The following GPM6A variants were observed in gnomAD, a reference collection of about 807,000 sequenced individuals.
GPM6A encodes neuronal membrane glycoprotein M6-a.
A neutral mutation model predicts 32.1 loss-of-function variants in GPM6A; 7 were observed. The observed-to-expected ratio is 0.22, with a 90% CI of 0.12 to 0.41. The LOEUF (loss-of-function observed/expected upper bound fraction) is 0.41, where lower values mean the gene tolerates loss of function less well. Among genes scored for constraint, GPM6A ranks in the 10% least tolerant of loss-of-function variants. GPM6A has a pLI of 1.00. For missense variants in GPM6A, 235 were observed against 347.2 expected (o/e 0.68, Z 2.57); for synonymous variants, 130 against 123.4 (o/e 1.05, Z -0.35).
chr4:175,702,212 A>G (rs1215433766), intron 1 of GPM6A, among the ~76,000 whole-genome samples: 7 of 152,180 alleles, frequency 4.6e-5, no homozygotes, highest in Non-Finnish European at 1.5e-5. Flanking sequence ...TCATAGTTAT[A>G]CAAGTTTTGG....
intron 6 of GPM6A, among the ~76,000 whole-genome samples, chr4:175,637,710 TA>T (rs1740859429): frequency 3.7e-4 from 1 of 2,724 alleles, no homozygotes; most frequent in Non-Finnish European, 9.8e-4. Context: ...ATATATTATA[TA>T]TATTTATATA....
chr4:175,931,709 C>CACACACACATAT (rs1324269132), intron 1 of GPM6A, among the ~76,000 whole-genome samples: 3 of 129,296 alleles, frequency 2.3e-5, no homozygotes, highest in African/African-American at 8.6e-5. Flanking sequence ...CACACACACA[C>CACACACACATAT]ATATATATAT....
chr4:175,682,992 A>G (rs1743773015), intron 2 of GPM6A, among the ~76,000 whole-genome samples: 1 of 152,086 alleles, frequency 6.6e-6, no homozygotes, highest in Non-Finnish European at 1.5e-5. Flanking sequence ...TGATCTCCAG[A>G]CCCCAGAATA....
chr4:175,714,968 C>G (rs1245057748), intron 1 of GPM6A, among the ~76,000 whole-genome samples: 9 of 140,202 alleles, frequency 6.4e-5, no homozygotes, highest in Non-Finnish European at 1.2e-4. Flanking sequence ...AGACACGTTT[C>G]TGATGTAGAA....
intron 1 of GPM6A, among the ~76,000 whole-genome samples, chr4:175,774,500 C>G (rs1474378833): frequency 6.6e-6 from 1 of 151,970 alleles, no homozygotes; most frequent in East Asian, 1.9e-4. Context: ...AACAATCAAA[C>G]TCACCTCTGT....
chr4:175,670,090 C>T (rs1017569491), intron 3 of GPM6A, among the ~76,000 whole-genome samples: 1 of 152,070 alleles, frequency 6.6e-6, no homozygotes, highest in Non-Finnish European at 1.5e-5. Context: ...GTTGTTTAGG[C>T]CATCCACTTT....
chr4:175,894,593 C>G (rs1362670354), intron 1 of GPM6A, among the ~76,000 whole-genome samples: 1 of 152,042 alleles, frequency 6.6e-6, no homozygotes, highest in African/African-American at 2.4e-5. Flanking sequence ...CATTTTCTAC[C>G]CTTCTACCTT....
At chr4:175,870,059 T>C (rs1736858763) in intron 1 of GPM6A, among the ~76,000 whole-genome samples, 1 of 152,244 alleles carries the variant, frequency 6.6e-6, no homozygotes, top group Non-Finnish European at 1.5e-5. Flanking sequence ...TTATTTACTT[T>C]CTTTTATTCA....
intron 3 of GPM6A, among the ~76,000 whole-genome samples, chr4:175,661,568 C>T (rs755188836): frequency 2.6e-5 from 4 of 152,090 alleles, no homozygotes; most frequent in Non-Finnish European, 5.9e-5. Context: ...TGTTTGAAAG[C>T]ATATGATCCC....
chr4:175,865,170 C>T (rs955680282), intron 1 of GPM6A, among the ~76,000 whole-genome samples: 1 of 152,084 alleles, frequency 6.6e-6, no homozygotes, highest in African/African-American at 2.4e-5. Context: ...ATGTGGATAT[C>T]GTTTTAGCAC....
At chr4:175,936,201 G>C (rs986553785) in intron 1 of GPM6A, among the ~76,000 whole-genome samples, 2 of 149,222 alleles carry the variant, frequency 1.3e-5, no homozygotes, top group African/African-American at 4.9e-5. Context: ...AGCTACTCGG[G>C]AGGCTGAGGC....
chr4:175,980,950 A>G (rs1396731245), intron 1 of GPM6A, among the ~76,000 whole-genome samples: 1 of 152,236 alleles, frequency 6.6e-6, no homozygotes, highest in Non-Finnish European at 1.5e-5. Context: ...TTTAATCAAA[A>G]GTAGCTTACA....
In GPM6A at chr4:175,897,140, G is replaced by A. The variant is rs1013773528; in HGVS notation, c.-22-84891C>T. ...ACATAGAAGACAGGGAGACATCCTCGGGATTAGGAAATGTAGGAAGCTGGT... is the reference window on the plus strand; with the variant it reads ...ACATAGAAGACAGGGAGACATCCTCAGGATTAGGAAATGTAGGAAGCTGGT... On this transcript the variant is annotated intron_variant, in intron 1 of 7. Transcript: ENST00000280187. Among the ~76,000 whole-genome samples, 9 of 152,042 alleles carry A rather than the reference G, an allele frequency of 5.9e-5. No homozygotes were observed. The South Asian group carries it at 1.2e-3, about 21-fold the overall frequency.
intron 1 of GPM6A, among the ~76,000 whole-genome samples, chr4:175,879,548 C>T (rs1450086705): frequency 6.6e-6 from 1 of 152,234 alleles, no homozygotes; most frequent in African/African-American, 2.4e-5. Context: ...CTCATGAGAA[C>T]TCATTCACTA....
chr4:175,982,790 T>C (rs761109730), intron 1 of GPM6A, among the ~76,000 whole-genome samples: 5 of 152,162 alleles, frequency 3.3e-5, no homozygotes, highest in Non-Finnish European at 7.4e-5. Context: ...GGTATTTTTA[T>C]TGAGGTTGCA....
At chr4:175,856,735 G>T (rs967825627) in intron 1 of GPM6A, among the ~76,000 whole-genome samples, 2 of 152,084 alleles carry the variant, frequency 1.3e-5, no homozygotes, top group Non-Finnish European at 2.9e-5. Context: ...GATAATCTTC[G>T]CCTGGAGTTC....
At chr4:175,696,680 T>G (rs1427458559) in intron 2 of GPM6A, among the ~76,000 whole-genome samples, 1 of 152,188 alleles carries the variant, frequency 6.6e-6, no homozygotes, top group Admixed American at 6.6e-5. Context: ...CTTCAGCAAT[T>G]AGGTTTAATT....
intron 1 of GPM6A, among the ~76,000 whole-genome samples, chr4:175,925,270 A>C (rs758503621): frequency 5.3e-5 from 8 of 152,214 alleles, no homozygotes; most frequent in Non-Finnish European, 1.2e-4. Flanking sequence ...TTGCATTTAC[A>C]TCAAGTGCCT....
chr4:175,977,492 G>T (rs1339450370), intron 1 of GPM6A, among the ~76,000 whole-genome samples: 1 of 152,098 alleles, frequency 6.6e-6, no homozygotes. Flanking sequence ...TGTTAGAAAA[G>T]CCTAGATATT....
Sources: gnomAD v4.1 joint callset for allele counts (sites outside exome capture counted in the v4.1 genomes callset) on GRCh38, gnomAD v4.1.1 for gene constraint, MANE v1.5 for transcripts, NCBI Gene and HGNC (gene_info 2026-07-23, HGNC 2026-07-21) for gene names.